The following RNF2 variants were observed in gnomAD, a reference collection of about 807,000 sequenced individuals.
The protein encoded by RNF2 is ring finger protein 2.
RNF2 carries 6 observed loss-of-function variants against 37.2 expected under a neutral mutation model. That is an observed-to-expected ratio of 0.16 (90% CI 0.09 to 0.32). The LOEUF is 0.32. Ranked by LOEUF, RNF2 falls within the 10% of genes least tolerant of loss-of-function variation. The pLI, the probability that RNF2 is intolerant of heterozygous loss-of-function variation, is 1.00. For missense variants in RNF2, 251 were observed against 404.0 expected (o/e 0.62, Z 3.25); for synonymous variants, 133 against 132.7 (o/e 1.00, Z -0.02).
At chr1:185,091,902 G>T (rs777929877) in intron 3 of RNF2, 163 bp downstream of exon 3, 26 of 561,504 alleles carry the variant, frequency 4.6e-5, no homozygotes, top group Non-Finnish European at 7.1e-5. Context: ...TGCAACCTCT[G>T]CCTCCTGGGT....
chr1:185,073,236 G>A (rs929256566), intron 1 of RNF2, among the ~76,000 whole-genome samples: 1 of 151,854 alleles, frequency 6.6e-6, no homozygotes, highest in African/African-American at 2.4e-5. Flanking sequence ...CCATTCTTAT[G>A]CATATGCTTA....
chr1:185,051,863 CAT>C lies in RNF2; in HGVS notation c.-3+6223_-3+6224del, dbSNP rs200062271. On this transcript the variant is annotated intron_variant, in intron 1 of 6. Coordinates refer to ENST00000367510, the MANE Select transcript of RNF2 (RefSeq NM_007212.4). ...TGTATATACATATTATATATACATG[CAT>C]ATATATATGTAAAAATGTGTGTATG... is the stretch of plus-strand genomic sequence containing the variant. Among the ~76,000 whole-genome samples, 827 of 147,520 alleles carry C rather than the reference CAT, an allele frequency of 5.6e-3. 27 individuals are homozygous for C. In the East Asian group the frequency reaches 0.085, roughly 15 times the overall value.
intron 1 of RNF2, among the ~76,000 whole-genome samples, chr1:185,070,557 A>G (rs974511631): frequency 6.6e-6 from 1 of 151,964 alleles, no homozygotes; most frequent in Non-Finnish European, 1.5e-5. Context: ...GGGAACCTCA[A>G]TTAGTATTAT....
At chr1:185,075,786 C>T (rs1487635023) in intron 1 of RNF2, among the ~76,000 whole-genome samples, 1 of 152,236 alleles carries the variant, frequency 6.6e-6, no homozygotes, top group Non-Finnish European at 1.5e-5. Flanking sequence ...CACCAGGCCC[C>T]TCCTCCAACA....
chr1:185,074,423 C>T (rs972523654), intron 1 of RNF2, among the ~76,000 whole-genome samples: 1 of 151,912 alleles, frequency 6.6e-6, no homozygotes, highest in Non-Finnish European at 1.5e-5. Context: ...CTCCTGAAAA[C>T]CAGTCCCTGT....
At chr1:185,095,425 C>T (rs1172560771) in intron 4 of RNF2, among the ~76,000 whole-genome samples, 2 of 152,210 alleles carry the variant, frequency 1.3e-5, no homozygotes, top group African/African-American at 4.8e-5. Flanking sequence ...ACATGGCACA[C>T]TACCTCACTT....
At chr1:185,075,107 GCCTTAGCCTCCCTAGTAGC>G (rs1376568978) in intron 1 of RNF2, among the ~76,000 whole-genome samples, 2 of 152,042 alleles carry the variant, frequency 1.3e-5, no homozygotes, top group Non-Finnish European at 2.9e-5. Context: ...CCATTCTCCT[GCCTTAGCCTCCCTAGTAGC>G]TGGATTACAG....
chr1:185,079,631 A>G (rs1405684500), intron 1 of RNF2, among the ~76,000 whole-genome samples: 1 of 152,100 alleles, frequency 6.6e-6, no homozygotes, highest in Non-Finnish European at 1.5e-5. Flanking sequence ...CAGGAGCCCA[A>G]ATAAAAGCCA....
intron 1 of RNF2, among the ~76,000 whole-genome samples, chr1:185,081,163 C>T (rs977120798): frequency 1.3e-5 from 2 of 152,076 alleles, no homozygotes; most frequent in Non-Finnish European, 2.9e-5. Context: ...AAATAGGAAC[C>T]ATTACAGTCA....
intron 2 of RNF2, among the ~76,000 whole-genome samples, chr1:185,089,251 T>C (rs1189908653): frequency 2.6e-5 from 4 of 152,250 alleles, no homozygotes; most frequent in African/African-American, 9.6e-5. Flanking sequence ...ACTTGCCTGC[T>C]GCTCACCTCC....
intron 1 of RNF2, among the ~76,000 whole-genome samples, chr1:185,063,236 G>A (rs1650665277): frequency 6.6e-6 from 1 of 152,154 alleles, no homozygotes; most frequent in Non-Finnish European, 1.5e-5. Flanking sequence ...CACAGAATAC[G>A]TAGAATAGTG....
At chr1:185,082,757 AC>A (rs1260005298) in intron 1 of RNF2, among the ~76,000 whole-genome samples, 1 of 152,088 alleles carries the variant, frequency 6.6e-6, no homozygotes, top group African/African-American at 2.4e-5. Context: ...TGCTTTACGA[AC>A]CATTTTGAAC....
chr1:185,061,391 A>C lies in RNF2; in HGVS notation c.-3+15742A>C, dbSNP rs368144060. Among the ~76,000 whole-genome samples the C allele has an allele frequency of 5.3e-5, 8 of 152,138 alleles. 1 individual carries two copies. The highest frequency in any genetic ancestry group is 1.7e-4 in the African/African-American group (7 of 41,532). The stretch of plus-strand genomic sequence containing the variant: ...AAGGGGAAAAAAAAAGGGAAACAGA[A>C]ATGAAAGCTTCTGATCTCAGGCAGA... On this transcript the variant is annotated intron_variant, in intron 1 of 6. Transcript: ENST00000367510.
At chr1:185,091,761 T>C (rs765003126) in intron 3 of RNF2, 22 bp downstream of exon 3, 12 of 1,604,202 alleles carry the variant, frequency 7.5e-6, no homozygotes, top group Middle Eastern at 1.7e-4. Context: ...AGAGTTGTTA[T>C]ACTAGGTACT....
At position 185,096,561 on chromosome 1, in the gene RNF2, G is replaced by GT. The variant is rs914017823; in HGVS notation, c.465-1501dup. On this transcript the variant is annotated intron_variant, in intron 4 of 6. Transcript: ENST00000367510. ...ATCGTGCTGTATTTGTACTTTTGGGGTTTTTTTTTTGTTGTTGTTATTTAC... is the reference window on the plus strand; with the variant it reads ...ATCGTGCTGTATTTGTACTTTTGGGGTTTTTTTTTTTGTTGTTGTTATTTAC... Among the ~76,000 whole-genome samples, 137 of 146,690 alleles carry GT rather than the reference G, an allele frequency of 9.3e-4. No individual in the cohort carries two copies. In the Middle Eastern group the frequency reaches 0.01, roughly 11 times the overall value.
At chr1:185,096,781 A>C (rs946017735) in intron 4 of RNF2, among the ~76,000 whole-genome samples, 1 of 150,572 alleles carries the variant, frequency 6.6e-6, no homozygotes, top group East Asian at 1.9e-4. Flanking sequence ...GTTATTTAAC[A>C]TACTAGTCAT....
At chr1:185,057,484 G>A (rs558551040) in intron 1 of RNF2, among the ~76,000 whole-genome samples, 2 of 151,880 alleles carry the variant, frequency 1.3e-5, no homozygotes, top group Non-Finnish European at 2.9e-5. Context: ...TGATAAGCAC[G>A]TCCATTATTC....
At chr1:185,080,457 G>T (rs1651312590) in intron 1 of RNF2, among the ~76,000 whole-genome samples, 1 of 152,146 alleles carries the variant, frequency 6.6e-6, no homozygotes, top group Admixed American at 6.5e-5. Flanking sequence ...TAATTCTCAA[G>T]AGTATATCTG....
Position 185,102,441 on chromosome 1 carries a change from G to C in RNF2, c.*2140G>C, listed in dbSNP as rs1307093756. Reference sequence around the variant, plus strand: ...ATTTTTTTATGGTAACATATACATAGCCACATTTACAGTTTTAACCATTTT... The same window carrying C: ...ATTTTTTTATGGTAACATATACATACCCACATTTACAGTTTTAACCATTTT... On this transcript the variant is annotated 3_prime_UTR_variant, in exon 7 of 7. Coordinates refer to ENST00000367510, the MANE Select transcript of RNF2 (RefSeq NM_007212.4). 6.6e-6 allele frequency: 1 copy of C among 152,166 alleles called. No individual in the cohort carries two copies. The highest frequency in any genetic ancestry group is 2.4e-5 in the African/African-American group (1 of 41,436). The allele number at this position is 152,166 out of a possible 1,614,324, so 9.4% of individuals were successfully genotyped here. A position where few individuals can be genotyped will look rare whatever the true frequency, so the allele number is the denominator to read the frequency against.
Sources: allele counts gnomAD v4.1 joint callset (sites outside exome capture counted in the v4.1 genomes callset), GRCh38; gene constraint gnomAD v4.1.1; transcripts MANE v1.5; gene names NCBI Gene and HGNC (gene_info 2026-07-23, HGNC 2026-07-21).